The following FMN1 variants were observed in gnomAD, a reference collection of about 807,000 sequenced individuals.
FMN1 encodes the protein formin 1, also known as formin-1.
In FMN1, 110 loss-of-function variants were observed where a neutral mutation model predicts 132.4. The observed-to-expected ratio is 0.83, with a 90% CI of 0.71 to 0.97. The LOEUF (loss-of-function observed/expected upper bound fraction) is 0.97, where lower values mean the gene tolerates loss of function less well. Ranked by LOEUF, FMN1 falls within the 50% of genes least tolerant of loss-of-function variation. FMN1 has a pLI of 0.00. For missense variants in FMN1, 1,792 were observed against 1,705.3 expected, an observed-to-expected ratio of 1.05 and a Z score of -0.90; for synonymous variants, 722 against 651.7, an observed-to-expected ratio of 1.11 and a Z score of -1.64.
chr15:33,106,059 G>A (rs1426845345), intron 4 of FMN1: 1 of 152,066 alleles, frequency 6.6e-6, no homozygotes, highest in Non-Finnish European at 1.5e-5. Flanking sequence ...AGTACATAAG[G>A]GGAGGCTCTG....
At chr15:33,112,779 T>G (rs1332836993) in intron 4 of FMN1, among the ~76,000 whole-genome samples, 1 of 152,084 alleles carries the variant, frequency 6.6e-6, no homozygotes, top group Non-Finnish European at 1.5e-5. Context: ...ACATGGGAAA[T>G]GTGGGTTGCT....
At chr15:32,980,115 C>T (rs1485733050) in intron 7 of FMN1, among the ~76,000 whole-genome samples, 1 of 152,070 alleles carries the variant, frequency 6.6e-6, no homozygotes, top group African/African-American at 2.4e-5. Context: ...TAGGATGCCT[C>T]CTCTAAAAGA....
intron 7 of FMN1, among the ~76,000 whole-genome samples, chr15:32,988,834 TC>T (rs146768728): frequency 8.8e-4 from 134 of 152,310 alleles, no homozygotes; most frequent in African/African-American, 3.1e-3. Flanking sequence ...ACCCTTTAGC[TC>T]CCCATCTATA....
chr15:32,912,142 G>A (rs982040976), intron 10 of FMN1, among the ~76,000 whole-genome samples: 10 of 152,132 alleles, frequency 6.6e-5, no homozygotes, highest in African/African-American at 2.4e-4. Context: ...TATATTACAA[G>A]CTTAGATATA....
At chr15:33,000,439 A>C (rs939997404) in intron 7 of FMN1, among the ~76,000 whole-genome samples, 5 of 128,670 alleles carry the variant, frequency 3.9e-5, no homozygotes, top group Non-Finnish European at 8.1e-5. Flanking sequence ...ACAGAGCCAG[A>C]CTCCATCTCA....
chr15:32,801,325 A>G (rs1311628256), intron 18 of FMN1, among the ~76,000 whole-genome samples: 2 of 152,168 alleles, frequency 1.3e-5, no homozygotes, highest in Non-Finnish European at 2.9e-5. Context: ...TAAAAAAAAT[A>G]CTAAATTTCA....
intron 6 of FMN1, among the ~76,000 whole-genome samples, chr15:33,041,440 T>A (rs2036432481): frequency 6.8e-6 from 1 of 147,158 alleles, no homozygotes; most frequent in African/African-American, 2.5e-5. Context: ...TCACTTCTTT[T>A]TCAGCTTTCT....
At chr15:32,798,104 C>G (rs2140975052) in intron 19 of FMN1, among the ~76,000 whole-genome samples, 1 of 151,966 alleles carries the variant, frequency 6.6e-6, no homozygotes, top group Middle Eastern at 3.4e-3. Flanking sequence ...AGTGGCAACC[C>G]AATCACAAAA....
At chr15:33,124,217 G>C (rs1023067834) in intron 4 of FMN1, among the ~76,000 whole-genome samples, 1 of 152,082 alleles carries the variant, frequency 6.6e-6, no homozygotes, top group Non-Finnish European at 1.5e-5. Context: ...AAAGTGAGGT[G>C]ATGTTAAAGA....
intron 9 of FMN1, among the ~76,000 whole-genome samples, chr15:32,926,629 A>G (rs956972147): frequency 2.0e-5 from 3 of 152,194 alleles, no homozygotes; most frequent in Non-Finnish European, 4.4e-5. Context: ...CTACTGGTGA[A>G]GTCACTTCAT....
intron 12 of FMN1, among the ~76,000 whole-genome samples, chr15:32,906,918 A>G (rs1359246704): frequency 4.6e-5 from 7 of 152,198 alleles, no homozygotes; most frequent in Admixed American, 3.9e-4. Flanking sequence ...CAAGTCATCC[A>G]AGGTTCCCAG....
intron 10 of FMN1, among the ~76,000 whole-genome samples, chr15:32,923,916 T>C (rs780175096): frequency 6.6e-6 from 1 of 151,932 alleles, no homozygotes; most frequent in Non-Finnish European, 1.5e-5. Context: ...GGTGATGAAA[T>C]CAAGCACACT....
chr15:33,127,844 G>A (rs1416697561), intron 4 of FMN1, among the ~76,000 whole-genome samples: 2 of 152,188 alleles, frequency 1.3e-5, no homozygotes, highest in African/African-American at 4.8e-5. Context: ...AATTCTGTTG[G>A]TAAGAGAGAA....
intron 16 of FMN1, 66 bp downstream of exon 16, chr15:32,888,106 T>C: frequency 2.2e-6 from 3 of 1,389,702 alleles, no homozygotes; most frequent in Non-Finnish European, 2.9e-6. Flanking sequence ...ACCTAAATAA[T>C]CCTCTTAAAA....
intron 2 of FMN1, among the ~76,000 whole-genome samples, chr15:33,182,037 A>T (rs1272726069): frequency 6.6e-6 from 1 of 152,170 alleles, no homozygotes; most frequent in Non-Finnish European, 1.5e-5. Context: ...AAGGTCACTC[A>T]GACTGCTCTA....
At chr15:32,942,650 C>G (rs1284507318) in intron 9 of FMN1, among the ~76,000 whole-genome samples, 1 of 152,208 alleles carries the variant, frequency 6.6e-6, no homozygotes, top group East Asian at 1.9e-4. Context: ...ACACCAAACA[C>G]ATTCATACCT....
At chr15:33,013,513 T>A (rs770374309) in intron 6 of FMN1, among the ~76,000 whole-genome samples, 1 of 152,180 alleles carries the variant, frequency 6.6e-6, no homozygotes, top group African/African-American at 2.4e-5. Flanking sequence ...AGCAAGGAGA[T>A]GTTATATGGG....
At chr15:32,910,277 G>C (rs900617080) in intron 11 of FMN1, among the ~76,000 whole-genome samples, 197 bp downstream of exon 11, 4 of 152,186 alleles carry the variant, frequency 2.6e-5, no homozygotes, top group Admixed American at 1.3e-4. Context: ...AATGAGATCT[G>C]CTAGCCCAGA....
intron 5 of FMN1, among the ~76,000 whole-genome samples, chr15:33,068,710 A>T (rs947312948): frequency 2.0e-5 from 3 of 151,834 alleles, no homozygotes; most frequent in Non-Finnish European, 2.9e-5. Context: ...CGTGAGGGAT[A>T]ACCCACACGA....
Sources: allele counts gnomAD v4.1 joint callset (sites outside exome capture counted in the v4.1 genomes callset), GRCh38; gene constraint gnomAD v4.1.1; transcripts MANE v1.5; gene names NCBI Gene and HGNC (gene_info 2026-07-23, HGNC 2026-07-21).